ARL13B: variants seen among roughly 807,000 people sequenced by gnomAD.
The protein encoded by ARL13B is ARF like GTPase 13B, also known as ADP-ribosylation factor-like protein 13B.
Under a neutral mutation model 56.1 loss-of-function variants are expected in ARL13B, and 36 were observed. The ratio of observed to expected loss-of-function variants is 0.64; its 90% CI spans 0.49 to 0.85. The LOEUF is 0.85. Ranked by LOEUF, ARL13B falls within the 40% of genes least tolerant of loss-of-function variation. The probability of loss-of-function intolerance (pLI) is 0.00; values close to 1 mark genes in which losing one functional copy is unlikely to be tolerated. For missense variants in ARL13B, 519 were observed against 507.1 expected, an observed-to-expected ratio of 1.02 and a Z score of -0.23; for synonymous variants, 178 against 171.1, an observed-to-expected ratio of 1.04 and a Z score of -0.32.
intron 7 of ARL13B, among the ~76,000 whole-genome samples, chr3:94,045,632 C>A (rs918174059): frequency 2.0e-5 from 3 of 151,656 alleles, no homozygotes; most frequent in Admixed American, 1.3e-4. Flanking sequence ...GAAGAAAGAT[C>A]AAGGTTAAAG....
intron 1 of ARL13B, among the ~76,000 whole-genome samples, chr3:93,989,209 A>T (rs1205582472): frequency 6.6e-6 from 1 of 152,188 alleles, no homozygotes; most frequent in African/African-American, 2.4e-5. Flanking sequence ...GATTTATATA[A>T]ATTAGCTTCA....
At chr3:94,049,375 G>T (rs749143060) in intron 7 of ARL13B, 31 bp from the exon 8 acceptor site, 2 of 1,337,314 alleles carry the variant, frequency 1.5e-6, no homozygotes, top group South Asian at 2.5e-5. Context: ...TTTTCATAAA[G>T]ACATGAAGTT....
intron 3 of ARL13B, among the ~76,000 whole-genome samples, chr3:94,022,204 A>C (rs559877309): frequency 1.3e-5 from 2 of 151,662 alleles, no homozygotes; most frequent in Non-Finnish European, 2.9e-5. Flanking sequence ...GTTCACTGCA[A>C]CCTCCTCCTC....
intron 2 of ARL13B, among the ~76,000 whole-genome samples, chr3:93,998,280 TTACC>T (rs1347985206): frequency 6.6e-6 from 1 of 152,170 alleles, no homozygotes; most frequent in Non-Finnish European, 1.5e-5. Flanking sequence ...GCTAATCAGA[TTACC>T]TAATTTGTTA....
chr3:93,990,972 C>T (rs1017950080), intron 1 of ARL13B, among the ~76,000 whole-genome samples: 1 of 152,162 alleles, frequency 6.6e-6, no homozygotes, highest in African/African-American at 2.4e-5. Flanking sequence ...TTTGGTATCC[C>T]ATTATCATCT....
At chr3:93,991,053 T>C (rs560066172) in intron 1 of ARL13B, among the ~76,000 whole-genome samples, 113 of 152,312 alleles carry the variant, frequency 7.4e-4, no homozygotes, top group African/African-American at 2.7e-3. Flanking sequence ...TTAGTCACTG[T>C]CACTAGAGGT....
At chr3:94,026,893 A>G (rs1483268410) in intron 3 of ARL13B, among the ~76,000 whole-genome samples, 1 of 152,174 alleles carries the variant, frequency 6.6e-6, no homozygotes, top group Non-Finnish European at 1.5e-5. Context: ...CGTATGTATG[A>G]TAATCAACTT....
At chr3:94,032,465 T>C (rs2076692789) in intron 3 of ARL13B, among the ~76,000 whole-genome samples, 1 of 152,174 alleles carries the variant, frequency 6.6e-6, no homozygotes, top group South Asian at 2.1e-4. Flanking sequence ...TGTAAATTAG[T>C]ACAATCACTA....
chr3:94,015,157 G>A, intron 3 of ARL13B: 1 of 1,613,918 alleles, frequency 6.2e-7, no homozygotes, highest in Admixed American at 1.7e-5. Context: ...ATAAATAACA[G>A]CTTGCTGTAG....
chr3:94,052,737 C>A (rs964806924), intron 9 of ARL13B, among the ~76,000 whole-genome samples: 9 of 152,036 alleles, frequency 5.9e-5, no homozygotes, highest in African/African-American at 2.2e-4. Flanking sequence ...AGGGAAAATG[C>A]TATTATATTT....
chr3:94,021,712 T>C (rs2076452309), intron 3 of ARL13B, among the ~76,000 whole-genome samples: 1 of 152,196 alleles, frequency 6.6e-6, no homozygotes, highest in African/African-American at 2.4e-5. Flanking sequence ...ATTTATCTTG[T>C]ATAGCTTCCT....
At chr3:94,030,614 C>A (rs557216478) in intron 3 of ARL13B, among the ~76,000 whole-genome samples, 14 of 152,012 alleles carry the variant, frequency 9.2e-5, no homozygotes, top group African/African-American at 2.7e-4. Context: ...AAGAAATGAA[C>A]CTAGGTATAT....
In ARL13B at chr3:94,053,876, T is replaced by C; in HGVS notation, c.*613T>C. ...ATATGGCTTGAGGTATGTTTTGTAA[T>C]AGCGTTGTTCTTTAAGTGTACATCG... On this transcript the variant is annotated 3_prime_UTR_variant, in exon 10 of 10. Coordinates refer to ENST00000394222, the MANE Select transcript of ARL13B (RefSeq NM_001174150.2). The C allele has an allele frequency of 3.2e-6, 1 of 311,042 alleles. No homozygotes were observed. The highest frequency in any genetic ancestry group is 6.3e-6 in the Non-Finnish European group (1 of 159,384). 19.3% of individuals were successfully genotyped at this position (311,042 alleles called of 1,614,324 possible).
intron 3 of ARL13B, among the ~76,000 whole-genome samples, chr3:94,017,579 T>C (rs2076359053): frequency 6.6e-6 from 1 of 152,240 alleles, no homozygotes; most frequent in Non-Finnish European, 1.5e-5. Flanking sequence ...TATATGTATA[T>C]AAGTTTTAAA....
rs2077101519 is a variant in ARL13B at position 94,053,690 on chromosome 3, C to G, written c.*427C>G. 3.3e-6 allele frequency: 1 copy of G among 303,664 alleles called. No individual in the cohort carries two copies. The highest frequency in any genetic ancestry group is 4.5e-5 in the Admixed American group (1 of 22,190). The allele number at this position is 303,664 out of a possible 1,614,324, so 18.8% of individuals were successfully genotyped here. ...AAGGGGGACTTCTAGGAATTTATAA[C>G]CAAAATTTTAAAACTATTTTTATAT... On this transcript the variant is annotated 3_prime_UTR_variant, in exon 10 of 10. Coordinates refer to ENST00000394222, the MANE Select transcript of ARL13B (RefSeq NM_001174150.2).
chr3:94,054,369 G>A lies in ARL13B; in HGVS notation c.*1106G>A, dbSNP rs1434809374. The stretch of plus-strand genomic sequence containing the variant: ...AATAATTTCTTAATTTAAAATGATA[G>A]CACTTCTCTTGCACTTAAGAATGGC... On this transcript the variant is annotated 3_prime_UTR_variant, in exon 10 of 10. Coordinates refer to ENST00000394222, the MANE Select transcript of ARL13B (RefSeq NM_001174150.2). The A allele has an allele frequency of 4.7e-6, 2 of 427,290 alleles. No homozygotes were observed. The highest frequency in any genetic ancestry group is 3.5e-5 in the South Asian group (2 of 57,408). 26.5% of individuals were successfully genotyped at this position (427,290 alleles called of 1,614,324 possible). A position where few individuals can be genotyped will look rare whatever the true frequency, so the allele number is the denominator to read the frequency against.
intron 3 of ARL13B, among the ~76,000 whole-genome samples, chr3:94,013,105 T>TA (rs1330171258): frequency 6.6e-6 from 1 of 152,200 alleles, no homozygotes; most frequent in Non-Finnish European, 1.5e-5. Flanking sequence ...TGCACAGAGT[T>TA]AGTCAGACCC....
At position 94,053,720 on chromosome 3, in the gene ARL13B, T is replaced by C. The variant is rs764630737; in HGVS notation, c.*457T>C. The C allele has an allele frequency of 3.2e-6, 1 of 307,818 alleles. No homozygotes were observed. The allele number at this position is 307,818 out of a possible 1,614,324, so 19.1% of individuals were successfully genotyped here. A position where few individuals can be genotyped will look rare whatever the true frequency, so the allele number is the denominator to read the frequency against. On this transcript the variant is annotated 3_prime_UTR_variant, in exon 10 of 10. Transcript: ENST00000394222. ...ATTTTAAAACTATTTTTATATTTTT[T>C]TAAATCTTTAAAAATTTTAATTACT... is the stretch of plus-strand genomic sequence containing the variant.
chr3:93,980,598 G>C, intron 1 of ARL13B, 116 bp downstream of exon 1: 1 of 1,285,586 alleles, frequency 7.8e-7, no homozygotes, highest in Admixed American at 1.9e-5. Flanking sequence ...CGCAAGGGAT[G>C]CTTTCATTCC....
Sources: gnomAD v4.1 joint callset for allele counts (sites outside exome capture counted in the v4.1 genomes callset) on GRCh38, gnomAD v4.1.1 for gene constraint, MANE v1.5 for transcripts, NCBI Gene and HGNC (gene_info 2026-07-23, HGNC 2026-07-21) for gene names.